The following TENM2 variants were observed in gnomAD, a reference collection of about 807,000 sequenced individuals.
TENM2 encodes teneurin-2.
TENM2 carries 52 observed loss-of-function variants against 245.2 expected under a neutral mutation model. The ratio of observed to expected loss-of-function variants is 0.21; its 90% CI spans 0.17 to 0.27. The LOEUF (loss-of-function observed/expected upper bound fraction) is 0.27, where lower values mean the gene tolerates loss of function less well. Ranked by LOEUF, TENM2 falls within the 10% of genes least tolerant of loss-of-function variation. TENM2 has a pLI of 1.00. For missense variants in TENM2, 3,046 were observed against 3,666.8 expected, an observed-to-expected ratio of 0.83 and a Z score of 4.37; for synonymous variants, 1,363 against 1,438.9, an observed-to-expected ratio of 0.95 and a Z score of 1.19.
At position 168,262,535 on chromosome 5, in the gene TENM2, AC is replaced by A; in HGVS notation, c.8055del (p.Asp2686ThrfsTer49). On this transcript the variant is annotated frameshift_variant, in exon 29 of 29. Coordinates refer to ENST00000518659, the Ensembl canonical transcript of TENM2. LOFTEE classifies it high-confidence loss of function. ...GCTGCTCAGCATCCGCTATGGCCTCACCCCCGACACCCTGGACGAAGAGAAG... is the reference window on the plus strand; with the variant it reads ...GCTGCTCAGCATCCGCTATGGCCTCACCCCGACACCCTGGACGAAGAGAAG... The A allele has an allele frequency of 6.4e-7, 1 of 1,556,334 alleles. No individual in the cohort carries two copies. Among genetic ancestry groups the A allele is most frequent in the Non-Finnish European group, 8.7e-7 (1 of 1,150,042 alleles).
chr5:167,754,746 G>T (rs1417363323), intron 2 of TENM2, among the ~76,000 whole-genome samples: 1 of 145,546 alleles, frequency 6.9e-6, no homozygotes, highest in East Asian at 2.1e-4. Context: ...AAAAAAGTCT[G>T]TGTCAAACAA....
chr5:167,101,849 TTATATATATA>T, the TENM2 span, among the ~76,000 whole-genome samples: 121 of 69,440 alleles, frequency 1.7e-3, 7 homozygotes, highest in East Asian at 0.022. Context: ...ATATATATAT[TTATATATATA>T]TATATATATA....
chr5:167,019,069 C>G, the TENM2 span, among the ~76,000 whole-genome samples: 2 of 152,150 alleles, frequency 1.3e-5, no homozygotes, highest in Admixed American at 6.5e-5. Flanking sequence ...TATTTTCTAC[C>G]TATGCTACTC....
chr5:168,092,278 A>T (rs1209245223), intron 8 of TENM2, among the ~76,000 whole-genome samples: 1 of 152,202 alleles, frequency 6.6e-6, no homozygotes, highest in Non-Finnish European at 1.5e-5. Context: ...GACTGACCCT[A>T]TCAAAGCTGG....
chr5:167,047,013 G>T, the TENM2 span, among the ~76,000 whole-genome samples: 1 of 152,292 alleles, frequency 6.6e-6, no homozygotes, highest in East Asian at 1.9e-4. Flanking sequence ...CTTCATCCAT[G>T]TCCCTGCAAA....
At chr5:167,101,938 A>AT in the TENM2 span, among the ~76,000 whole-genome samples, 142 of 111,118 alleles carry the variant, frequency 1.3e-3, 1 homozygote, top group East Asian at 0.012. Flanking sequence ...ATATATATAT[A>AT]TTTTTTTTTT....
At chr5:167,349,709 G>A (rs913245601) in intron 1 of TENM2, among the ~76,000 whole-genome samples, 2 of 151,932 alleles carry the variant, frequency 1.3e-5, no homozygotes, top group Non-Finnish European at 2.9e-5. Context: ...TATATAGCCT[G>A]TTACTTTTTT....
At chr5:167,997,334 T>C (rs1036424793) in intron 5 of TENM2, among the ~76,000 whole-genome samples, 2 of 152,212 alleles carry the variant, frequency 1.3e-5, no homozygotes, top group Admixed American at 6.5e-5. Context: ...GTTGATAGCA[T>C]TAACTCACCT....
chr5:167,473,024 T>G (rs527267577), intron 2 of TENM2, among the ~76,000 whole-genome samples: 223 of 151,414 alleles, frequency 1.5e-3, no homozygotes, highest in African/African-American at 4.2e-3. Context: ...TACACTCAGT[T>G]AAAAAAAAAG....
At chr5:167,350,596 A>G (rs1272885208) in intron 1 of TENM2, among the ~76,000 whole-genome samples, 3 of 136,272 alleles carry the variant, frequency 2.2e-5, no homozygotes, top group Non-Finnish European at 4.8e-5. Context: ...ATATATATAT[A>G]TGGATATATA....
At chr5:167,942,152 A>G (rs1258741615) in intron 3 of TENM2, among the ~76,000 whole-genome samples, 1 of 148,664 alleles carries the variant, frequency 6.7e-6, no homozygotes, top group African/African-American at 2.5e-5. Context: ...AGGTTGCAGT[A>G]AGCCAAGATG....
At chr5:167,622,943 C>A (rs1778268200) in intron 2 of TENM2, among the ~76,000 whole-genome samples, 1 of 152,066 alleles carries the variant, frequency 6.6e-6, no homozygotes, top group Non-Finnish European at 1.5e-5. Context: ...TGCTGCTTGA[C>A]CTGTTTCCTA....
chr5:167,536,684 A>G (rs1771873927), intron 2 of TENM2, among the ~76,000 whole-genome samples: 1 of 152,172 alleles, frequency 6.6e-6, no homozygotes, highest in South Asian at 2.1e-4. Flanking sequence ...CTAAGGCCTC[A>G]GACTTACGGT....
chr5:167,816,372 C>T (rs1767057771), intron 2 of TENM2, among the ~76,000 whole-genome samples: 1 of 152,142 alleles, frequency 6.6e-6, no homozygotes, highest in South Asian at 2.1e-4. Context: ...AAGACCTTAC[C>T]TTTAACTTCA....
chr5:167,389,644 A>G (rs1162324410), intron 2 of TENM2, among the ~76,000 whole-genome samples: 1 of 152,156 alleles, frequency 6.6e-6, no homozygotes, highest in African/African-American at 2.4e-5. Context: ...TCCTGTGGAC[A>G]TCCCTGACTG....
At chr5:167,525,862 A>G (rs896672045) in intron 2 of TENM2, among the ~76,000 whole-genome samples, 1 of 152,144 alleles carries the variant, frequency 6.6e-6, no homozygotes, top group African/African-American at 2.4e-5. Context: ...TTCATTTGTT[A>G]TGTGACTTGG....
chr5:167,984,830 T>C (rs543249669), intron 4 of TENM2, among the ~76,000 whole-genome samples: 3 of 152,308 alleles, frequency 2.0e-5, no homozygotes, highest in South Asian at 4.1e-4. Flanking sequence ...TCATCCTCTA[T>C]GCTTCTCTCC....
At chr5:167,385,673 CT>C (rs1761385953) in intron 2 of TENM2, among the ~76,000 whole-genome samples, 1 of 151,942 alleles carries the variant, frequency 6.6e-6, no homozygotes, top group South Asian at 2.1e-4. Context: ...CCCTTTCCCC[CT>C]GAGTCCCCAA....
intron 1 of TENM2, among the ~76,000 whole-genome samples, chr5:167,334,686 T>C (rs1400524142): frequency 6.6e-6 from 1 of 152,236 alleles, no homozygotes; most frequent in Non-Finnish European, 1.5e-5. Flanking sequence ...ACACATTATA[T>C]TTTTGCTAGT....
Sources: allele counts gnomAD v4.1 joint callset (sites outside exome capture counted in the v4.1 genomes callset), GRCh38; gene constraint gnomAD v4.1.1; transcripts MANE v1.5; gene names NCBI Gene and HGNC (gene_info 2026-07-23, HGNC 2026-07-21).